Variants in NCAPH observed in about 807,000 individuals in gnomAD.
NCAPH encodes condensin complex subunit 2.
A neutral mutation model predicts 85.5 loss-of-function variants in NCAPH; 38 were observed. The ratio of observed to expected loss-of-function variants is 0.44; its 90% CI spans 0.34 to 0.58. The LOEUF (loss-of-function observed/expected upper bound fraction) is 0.58. Ranked by LOEUF, NCAPH falls within the 20% of genes least tolerant of loss-of-function variation. NCAPH has a pLI of 0.01. For synonymous variants in NCAPH, 301 were observed against 335.1 expected (o/e 0.90, Z 1.11); for missense variants, 789 against 916.6 (o/e 0.86, Z 1.80).
Position 96,335,793 on chromosome 2 carries a change from C to A in NCAPH, c.-37C>A. 1.4e-6 allele frequency: 2 copies of A among 1,473,424 alleles called. No individual in the cohort carries two copies. The highest frequency in any genetic ancestry group is 1.3e-5 in the South Asian group (1 of 75,908). 91.3% of individuals were successfully genotyped at this position (1,473,424 alleles called of 1,614,324 possible). On this transcript the variant is annotated 5_prime_UTR_variant, in exon 1 of 18. Coordinates refer to ENST00000240423, the MANE Select transcript of NCAPH (RefSeq NM_015341.5). ...TACGGCGCTCAGGCGTCTCGACGCG[C>A]GCGATTTAAAACCAGCTCAGGAGAC... is the stretch of plus-strand genomic sequence containing the variant.
At chr2:96,343,954 A>G in intron 5 of NCAPH, 151 bp from the exon 6 acceptor site, 1 of 922,882 alleles carries the variant, frequency 1.1e-6, no homozygotes. Flanking sequence ...CGTCTGCCTC[A>G]GCCTCCCAAA....
intron 1 of NCAPH, among the ~76,000 whole-genome samples, chr2:96,336,817 AG>A (rs1463060792): frequency 6.6e-6 from 1 of 152,228 alleles, no homozygotes; most frequent in Non-Finnish European, 1.5e-5. Flanking sequence ...AACACTAGGA[AG>A]GCCCTGCACA....
At chr2:96,345,602 C>T (rs1370914331) in intron 6 of NCAPH, among the ~76,000 whole-genome samples, 1 of 152,046 alleles carries the variant, frequency 6.6e-6, no homozygotes, top group Non-Finnish European at 1.5e-5. Context: ...AGGGAGCTGC[C>T]GGCAAAGCTG....
At position 96,376,818 on chromosome 2, in the gene NCAPH, T is replaced by C. The variant is rs2064837186; in HGVS notation, c.*3467T>C. Among the ~76,000 whole-genome samples, 1 of 152,018 alleles carries C rather than the reference T, an allele frequency of 6.6e-6. No homozygotes were observed. Among genetic ancestry groups the C allele is most frequent in the Non-Finnish European group, 1.5e-5 (1 of 68,016 alleles). ...AAATGTTTTTTGGGGGAATTGGGGA[T>C]CATTTATGGGTACCAAAAGAAAAAA... On this transcript the variant is annotated 3_prime_UTR_variant, in exon 18 of 18. Transcript: ENST00000240423.
chr2:96,339,427 C>A (rs1406112771), intron 1 of NCAPH, among the ~76,000 whole-genome samples: 2 of 151,714 alleles, frequency 1.3e-5, no homozygotes, highest in Non-Finnish European at 2.9e-5. Context: ...CCCGTCTCTA[C>A]TAAAAATACA....
At chr2:96,336,587 C>A (rs1437180613) in intron 1 of NCAPH, among the ~76,000 whole-genome samples, 1 of 152,094 alleles carries the variant, frequency 6.6e-6, no homozygotes, top group Non-Finnish European at 1.5e-5. Context: ...GGTCTGGAGG[C>A]CTTGGGTAAG....
chr2:96,369,305 A>G (rs1016537023), intron 16 of NCAPH, 120 bp from the exon 17 acceptor site: 65 of 926,906 alleles, frequency 7.0e-5, no homozygotes, highest in Admixed American at 2.5e-4. Flanking sequence ...TATAAAATGC[A>G]TCTGAAAGAT....
chr2:96,340,367 T>C (rs921041261), intron 1 of NCAPH, among the ~76,000 whole-genome samples: 3 of 149,456 alleles, frequency 2.0e-5, no homozygotes, highest in Non-Finnish European at 4.5e-5. Context: ...GTAGGATGAC[T>C]AATACTAATA....
chr2:96,346,795 T>C (rs2064366915), intron 6 of NCAPH, among the ~76,000 whole-genome samples: 1 of 151,692 alleles, frequency 6.6e-6, no homozygotes, highest in Non-Finnish European at 1.5e-5. Context: ...AGGGAGCAAA[T>C]GGCGGAGGCG....
chr2:96,344,376 C>A, intron 6 of NCAPH, 147 bp downstream of exon 6: 1 of 877,820 alleles, frequency 1.1e-6, no homozygotes, highest in Non-Finnish European at 1.6e-6. Flanking sequence ...GCATTATCAT[C>A]TTTTAGCTTG....
At chr2:96,341,603 GT>G in intron 1 of NCAPH, 38 bp from the exon 2 acceptor site, 1 of 1,592,904 alleles carries the variant, frequency 6.3e-7, no homozygotes, top group Non-Finnish European at 8.6e-7. Flanking sequence ...TATAGGAAAT[GT>G]TCTCTTGAAG....
rs1398494623 is a variant in NCAPH, at chr2:96,376,077, A to G, written c.*2726A>G. ...AGAAAACAAACTAATACAAGTGGTA[A>G]TGTGTCCAGCTAAAAATTTGGGTTC... On this transcript the variant is annotated 3_prime_UTR_variant, in exon 18 of 18. Transcript: ENST00000240423. Among the ~76,000 whole-genome samples the G allele has an allele frequency of 6.6e-6, 1 of 152,214 alleles. No homozygotes were observed. Among genetic ancestry groups the G allele is most frequent in the Non-Finnish European group, 1.5e-5 (1 of 68,040 alleles).
intron 10 of NCAPH, 44 bp downstream of exon 10, chr2:96,359,237 A>G (rs1383560266): frequency 3.1e-6 from 5 of 1,604,294 alleles, no homozygotes; most frequent in Non-Finnish European, 1.7e-6. Context: ...AGTAGTGTAG[A>G]TGACCAGCCA....
At chr2:96,371,589 C>A (rs1368030401) in intron 17 of NCAPH, among the ~76,000 whole-genome samples, 1 of 152,170 alleles carries the variant, frequency 6.6e-6, no homozygotes, top group South Asian at 2.1e-4. Flanking sequence ...TTGCTGTGAT[C>A]AAGTCTCTTT....
intron 17 of NCAPH, among the ~76,000 whole-genome samples, chr2:96,370,719 C>T (rs1397324099): frequency 6.6e-6 from 1 of 152,202 alleles, no homozygotes; most frequent in Non-Finnish European, 1.5e-5. Flanking sequence ...AGAAGAGCCA[C>T]TGGGCCAGGA....
intron 6 of NCAPH, among the ~76,000 whole-genome samples, chr2:96,347,405 C>G (rs1284091039): frequency 2.1e-5 from 3 of 142,322 alleles, no homozygotes; most frequent in Admixed American, 1.4e-4. Context: ...TTTGGATAGG[C>G]AAACATTATT....
chr2:96,369,356 C>A, intron 16 of NCAPH, 69 bp from the exon 17 acceptor site: 1 of 1,318,346 alleles, frequency 7.6e-7, no homozygotes, highest in Non-Finnish European at 1.1e-6. Flanking sequence ...GTGTATTATT[C>A]ATACTTGATG....
Position 96,365,050 on chromosome 2 carries a change from T to C in NCAPH, c.1698+459T>C, listed in dbSNP as rs77537894. On this transcript the variant is annotated intron_variant, in intron 13 of 17. Transcript: ENST00000240423. ...ACCAGATTTCTAGCTGTGAATGCAG[T>C]TCTCATATTGCAAGCTTGCTGTGAA... 8.1e-3 allele frequency among the ~76,000 whole-genome samples: 1,231 copies of C among 152,090 alleles called. 19 individuals carry two copies. Among genetic ancestry groups the C allele is most frequent in the African/African-American group, 0.028 (1,157 of 41,462 alleles).
intron 5 of NCAPH, among the ~76,000 whole-genome samples, chr2:96,343,552 C>T (rs2064324157): frequency 6.6e-6 from 1 of 152,134 alleles, no homozygotes; most frequent in African/African-American, 2.4e-5. Flanking sequence ...GTAAACATCA[C>T]CAACTAAGGA....
Sources: allele counts gnomAD v4.1 joint callset (sites outside exome capture counted in the v4.1 genomes callset), GRCh38; gene constraint gnomAD v4.1.1; transcripts MANE v1.5; gene names NCBI Gene and HGNC (gene_info 2026-07-23, HGNC 2026-07-21).